Variants in ANO4 observed in about 807,000 individuals in gnomAD.
ANO4 encodes anoctamin 4.
ANO4 carries 69 observed loss-of-function variants against 141.9 expected under a neutral mutation model. The ratio of observed to expected loss-of-function variants is 0.49; its 90% CI spans 0.40 to 0.59. The LOEUF is 0.59. ANO4 is among the 20% of genes least tolerant of loss of function. The pLI, the probability that ANO4 is intolerant of heterozygous loss-of-function variation, is 0.00. For missense variants in ANO4, 894 were observed against 1,162.2 expected (o/e 0.77, Z 3.36); for synonymous variants, 350 against 394.3 (o/e 0.89, Z 1.33).
chr12:101,051,022 A>G (rs2047844815), intron 14 of ANO4, among the ~76,000 whole-genome samples: 1 of 152,222 alleles, frequency 6.6e-6, no homozygotes, highest in Non-Finnish European at 1.5e-5. Flanking sequence ...TTTGAATTAA[A>G]TAATGGTTTC....
At chr12:101,000,486 G>A (rs1033045101) in intron 8 of ANO4, among the ~76,000 whole-genome samples, 3 of 152,072 alleles carry the variant, frequency 2.0e-5, no homozygotes, top group African/African-American at 7.2e-5. Flanking sequence ...GAATCCTTCA[G>A]GCAGAGGTAC....
At chr12:100,741,522 C>G (rs895399300) in intron 3 of ANO4, among the ~76,000 whole-genome samples, 1 of 152,114 alleles carries the variant, frequency 6.6e-6, no homozygotes, top group Non-Finnish European at 1.5e-5. Context: ...GATTTTGATT[C>G]CTGCGGTTCA....
chr12:100,825,368 A>G (rs2036274447), intron 1 of ANO4, among the ~76,000 whole-genome samples: 1 of 152,026 alleles, frequency 6.6e-6, no homozygotes, highest in Admixed American at 6.6e-5. Flanking sequence ...TGGTCCTTCA[A>G]CTACTCTGAA....
intron 1 of ANO4, among the ~76,000 whole-genome samples, chr12:100,872,966 C>T (rs938531000): frequency 1.2e-4 from 19 of 152,142 alleles, no homozygotes; most frequent in African/African-American, 4.6e-4. Flanking sequence ...AGTGAGTTCT[C>T]ACAAGATCTG....
chr12:101,001,717 G>A (rs2045649880), intron 8 of ANO4, among the ~76,000 whole-genome samples: 1 of 152,082 alleles, frequency 6.6e-6, no homozygotes, highest in South Asian at 2.1e-4. Flanking sequence ...TTGCACAGTT[G>A]GTCAAAGTAG....
intron 1 of ANO4, among the ~76,000 whole-genome samples, chr12:100,898,376 G>A (rs995754510): frequency 2.0e-5 from 3 of 152,018 alleles, no homozygotes; most frequent in African/African-American, 7.2e-5. Flanking sequence ...TTCTCCCATT[G>A]ACTTAGCCCT....
At chr12:100,784,840 G>C (rs1262756177) in intron 3 of ANO4, among the ~76,000 whole-genome samples, 1 of 152,186 alleles carries the variant, frequency 6.6e-6, no homozygotes, top group Non-Finnish European at 1.5e-5. Flanking sequence ...TGTAAAAGCA[G>C]GGCTATGCCG....
intron 14 of ANO4, chr12:101,067,019 A>G: frequency 1.8e-6 from 1 of 561,354 alleles, no homozygotes; most frequent in Non-Finnish European, 3.2e-6. Flanking sequence ...AAAAAAAAAG[A>G]AAGAACAGAC....
rs138288410 is a variant in ANO4, at chr12:100,941,957, A to AATTATTATTATT, written c.298-392_298-381dup. ...ATATGTAATTGAACACAATGAAAAA[A>AATTATTATTATT]ATTATTATTATTATTATTATTATTA... is the stretch of plus-strand genomic sequence containing the variant. On this transcript the variant is annotated intron_variant, in intron 4 of 27. Coordinates refer to ENST00000392977, the MANE Select transcript of ANO4 (RefSeq NM_001286615.2). Among the ~76,000 whole-genome samples the AATTATTATTATT allele has an allele frequency of 2.1e-3, 294 of 143,140 alleles. 1 individual carries two copies. The highest frequency in any genetic ancestry group is 8.0e-3 in the South Asian group (36 of 4,484). 93.9% of individuals were successfully genotyped at this position (143,140 alleles called of 152,430 possible).
At chr12:100,800,803 G>A (rs1449473565) in intron 1 of ANO4, among the ~76,000 whole-genome samples, 1 of 152,158 alleles carries the variant, frequency 6.6e-6, no homozygotes, top group Non-Finnish European at 1.5e-5. Context: ...TACAGCCCTT[G>A]CTTCCTTGTT....
At chr12:100,938,422 G>T (rs1460305901) in intron 3 of ANO4, among the ~76,000 whole-genome samples, 4 of 152,216 alleles carry the variant, frequency 2.6e-5, no homozygotes, top group Admixed American at 2.6e-4. Flanking sequence ...ACGTGCTTGG[G>T]TAAGAAGAAC....
At chr12:101,038,642 T>C (rs1029796218) in intron 10 of ANO4, 9 of 152,216 alleles carry the variant, frequency 5.9e-5, no homozygotes, top group Admixed American at 1.3e-4. Context: ...AGGTCAGATA[T>C]TGCTGCTCTT....
intron 8 of ANO4, among the ~76,000 whole-genome samples, chr12:100,989,625 G>A (rs1298208764): frequency 6.7e-5 from 4 of 59,536 alleles, no homozygotes; most frequent in Non-Finnish European, 1.6e-4. Context: ...ATGGATAGAT[G>A]GATGGATGGA....
chr12:100,761,164 C>T (rs977359613), intron 3 of ANO4, among the ~76,000 whole-genome samples: 1 of 152,088 alleles, frequency 6.6e-6, no homozygotes, highest in Non-Finnish European at 1.5e-5. Flanking sequence ...CCAAGCAAAA[C>T]CCCAATTCTC....
chr12:100,988,699 C>T lies in ANO4; in HGVS notation c.734+1029C>T, dbSNP rs534548993. On this transcript the variant is annotated intron_variant, in intron 8 of 27. Coordinates refer to ENST00000392977, the MANE Select transcript of ANO4 (RefSeq NM_001286615.2). ...CAGCCTGACCAACATGGTGAAACCC[C>T]GTCTCTACTAAAAACACAAAAATTA... is the stretch of plus-strand genomic sequence containing the variant. 3.1e-3 allele frequency among the ~76,000 whole-genome samples: 464 copies of T among 151,498 alleles called. 3 individuals are homozygous for T. The highest frequency in any genetic ancestry group is 0.011 in the African/African-American group (436 of 41,296).
At chr12:100,894,788 A>T (rs1210214402) in intron 1 of ANO4, among the ~76,000 whole-genome samples, 1 of 151,824 alleles carries the variant, frequency 6.6e-6, no homozygotes, top group East Asian at 1.9e-4. Flanking sequence ...AAAACGGTGA[A>T]ACCCCGTCTC....
Position 100,901,745 on chromosome 12 carries a change from T to C in ANO4, c.-41T>C, listed in dbSNP as rs2040602054. ...GCGTCACGTCGTCGCCTGCCTGTGG[T>C]CAGGCATTCCTCACTCCCACCAGGC... On this transcript the variant is annotated 5_prime_UTR_variant, in exon 2 of 28. Transcript: ENST00000392977. 6.3e-7 allele frequency: 1 copy of C among 1,578,674 alleles called. No homozygotes were observed. The highest frequency in any genetic ancestry group is 1.3e-5 in the African/African-American group (1 of 74,216).
intron 1 of ANO4, among the ~76,000 whole-genome samples, chr12:100,847,817 A>G (rs1283362847): frequency 6.6e-6 from 1 of 152,220 alleles, no homozygotes; most frequent in Non-Finnish European, 1.5e-5. Context: ...ACTGTGGTGC[A>G]TTAAAGCATT....
chr12:100,758,230 A>G (rs2032700285), intron 3 of ANO4, among the ~76,000 whole-genome samples: 1 of 152,204 alleles, frequency 6.6e-6, no homozygotes, highest in African/African-American at 2.4e-5. Flanking sequence ...TCAGAATTAG[A>G]GTAAGGCTGA....
Sources: gnomAD v4.1 joint callset for allele counts (sites outside exome capture counted in the v4.1 genomes callset) on GRCh38, gnomAD v4.1.1 for gene constraint, MANE v1.5 for transcripts, NCBI Gene and HGNC (gene_info 2026-07-23, HGNC 2026-07-21) for gene names.